Variants in ITGA9 observed in about 807,000 individuals in gnomAD.
ITGA9 encodes integrin subunit alpha 9, also known as integrin alpha-9.
ITGA9 carries 56 observed loss-of-function variants against 127.8 expected under a neutral mutation model. The observed-to-expected ratio is 0.44, with a 90% CI of 0.35 to 0.55. ITGA9 has a LOEUF of 0.55. ITGA9 is among the 20% of genes least tolerant of loss of function. The pLI, the probability that ITGA9 is intolerant of heterozygous loss-of-function variation, is 0.00. For missense variants in ITGA9, 1,196 were observed against 1,347.1 expected (o/e 0.89, Z 1.76); for synonymous variants, 508 against 514.5 (o/e 0.99, Z 0.17).
At chr3:37,731,472 A>G (rs1696291985) in intron 18 of ITGA9, among the ~76,000 whole-genome samples, 1 of 152,242 alleles carries the variant, frequency 6.6e-6, no homozygotes. Flanking sequence ...CTGGATGCTG[A>G]AAAGATATAT....
At chr3:37,753,324 C>G (rs986809836) in intron 23 of ITGA9, among the ~76,000 whole-genome samples, 3 of 152,176 alleles carry the variant, frequency 2.0e-5, no homozygotes, top group African/African-American at 7.2e-5. Flanking sequence ...TTGCAGGAAA[C>G]AGATACATAA....
At chr3:37,562,291 T>C (rs994239541) in intron 15 of ITGA9, among the ~76,000 whole-genome samples, 2 of 152,166 alleles carry the variant, frequency 1.3e-5, no homozygotes, top group East Asian at 1.9e-4. Flanking sequence ...CCTACAGATA[T>C]CTGTCTGTCT....
intron 18 of ITGA9, among the ~76,000 whole-genome samples, chr3:37,710,723 G>A (rs1701070383): frequency 6.6e-6 from 1 of 152,204 alleles, no homozygotes. Context: ...GACTGCCCCA[G>A]GCAGTTAAGA....
chr3:37,583,518 G>A (rs959303908), intron 15 of ITGA9, among the ~76,000 whole-genome samples: 1 of 152,196 alleles, frequency 6.6e-6, no homozygotes, highest in Admixed American at 6.5e-5. Context: ...AGACATGTCT[G>A]TCAGATCTCA....
At chr3:37,494,419 T>C (rs1211131916) in intron 4 of ITGA9, 82 bp from the exon 5 acceptor site, 6 of 1,000,584 alleles carry the variant, frequency 6.0e-6, no homozygotes, top group East Asian at 2.5e-5. Flanking sequence ...GGGAAGTGGC[T>C]GGCTGGCTCT....
At chr3:37,759,738 C>T (rs975012699) in intron 23 of ITGA9, among the ~76,000 whole-genome samples, 2 of 151,088 alleles carry the variant, frequency 1.3e-5, no homozygotes, top group South Asian at 2.1e-4. Flanking sequence ...CCTGTCTGTA[C>T]TAAAAATACA....
chr3:37,743,439 G>A (rs972982503), intron 21 of ITGA9, among the ~76,000 whole-genome samples: 5 of 152,172 alleles, frequency 3.3e-5, no homozygotes, highest in East Asian at 1.9e-4. Context: ...ATCAATGAAC[G>A]GATTCAGCTT....
In ITGA9 at chr3:37,513,585, C is replaced by G. The variant is rs111289680; in HGVS notation, c.898-178C>G. On this transcript the variant is annotated intron_variant, in intron 8 of 27. Transcript: ENST00000264741. ...ATATCTCCTAATGTTATCCCTCCCC[C>G]CTCCCCCAACCCCACAGCAGGCCCT... 3.1e-3 allele frequency among the ~76,000 whole-genome samples: 469 copies of G among 149,256 alleles called. 2 individuals are homozygous for G. Among genetic ancestry groups the G allele is most frequent in the Non-Finnish European group, 5.5e-3 (371 of 67,072 alleles).
intron 18 of ITGA9, among the ~76,000 whole-genome samples, chr3:37,722,150 T>G (rs76396492): frequency 1.4e-4 from 6 of 43,258 alleles, no homozygotes; most frequent in Non-Finnish European, 3.4e-4. Context: ...GGGACACTCT[T>G]CACTCTCCCT....
chr3:37,465,521 G>C (rs750209120), intron 1 of ITGA9, among the ~76,000 whole-genome samples: 3 of 152,198 alleles, frequency 2.0e-5, no homozygotes, highest in Admixed American at 6.5e-5. Flanking sequence ...CACATGAGAG[G>C]CTGCCTGACA....
At chr3:37,478,437 T>G (rs913090843) in intron 3 of ITGA9, among the ~76,000 whole-genome samples, 1 of 152,238 alleles carries the variant, frequency 6.6e-6, no homozygotes, top group Admixed American at 6.5e-5. Context: ...TTTCTTTCTC[T>G]TTTTCCTCTT....
intron 15 of ITGA9, among the ~76,000 whole-genome samples, chr3:37,572,030 G>A (rs968941429): frequency 2.6e-4 from 40 of 152,102 alleles, no homozygotes; most frequent in Non-Finnish European, 2.2e-4. Context: ...TTGGTAGCCC[G>A]TTGAGTTTTG....
At chr3:37,696,934 A>G (rs1700890976) in intron 18 of ITGA9, among the ~76,000 whole-genome samples, 1 of 152,168 alleles carries the variant, frequency 6.6e-6, no homozygotes, top group Non-Finnish European at 1.5e-5. Flanking sequence ...GGGTCAGGAT[A>G]TGCATTTTAA....
intron 25 of ITGA9, among the ~76,000 whole-genome samples, chr3:37,783,640 G>A (rs1697004790): frequency 2.0e-5 from 3 of 152,082 alleles, no homozygotes; most frequent in Admixed American, 2.0e-4. Context: ...CCTGGCCCAA[G>A]ATTATTATTA....
At chr3:37,573,061 T>A (rs144729571) in intron 15 of ITGA9, 44 of 152,350 alleles carry the variant, frequency 2.9e-4, no homozygotes, top group African/African-American at 9.4e-4. Context: ...ATTTTACAGT[T>A]TGTACAGTGG....
rs900159841 is a variant in ITGA9 at position 37,523,207 on chromosome 3, A to G, written c.1237-314A>G. Among the ~76,000 whole-genome samples the G allele has an allele frequency of 7.9e-5, 12 of 152,352 alleles. No individual in the cohort carries two copies. The East Asian group carries it at 2.1e-3, about 27-fold the overall frequency. ...AAACAGAACCTGCATTAGGAATGGA[A>G]GTTAAACTTTATCCATTTTGAATTT... is the stretch of plus-strand genomic sequence containing the variant. On this transcript the variant is annotated intron_variant, in intron 11 of 27. Transcript: ENST00000264741.
rs569448577 is a variant in ITGA9 at position 37,717,817 on chromosome 3, T to A, written c.2068-14895T>A. 5.9e-5 allele frequency among the ~76,000 whole-genome samples: 9 copies of A among 152,358 alleles called. No homozygotes were observed. The South Asian group carries it at 1.0e-3, about 18-fold the overall frequency. On this transcript the variant is annotated intron_variant, in intron 18 of 27. Coordinates refer to ENST00000264741, the MANE Select transcript of ITGA9 (RefSeq NM_002207.3). ...GTAAGCACTGGTATGGTACATAGTA[T>A]GACTATGGTAGTCCAGTATTGGATT...
At chr3:37,546,988 T>C (rs1484082894) in intron 15 of ITGA9, among the ~76,000 whole-genome samples, 1 of 152,194 alleles carries the variant, frequency 6.6e-6, no homozygotes. Context: ...AGCAGGCTCT[T>C]CAGGACCAGG....
rs764289797 is a variant in ITGA9 at position 37,629,238 on chromosome 3, C to A, written c.1741C>A (p.Leu581Ile). The A allele has an allele frequency of 1.2e-6, 2 of 1,613,816 alleles. No individual in the cohort carries two copies. Among genetic ancestry groups the A allele is most frequent in the Non-Finnish European group, 1.7e-6 (2 of 1,179,980 alleles). Residue 581 changes from leucine to isoleucine, a missense_variant, in exon 16 of 28, where the codon CTC becomes ATC. Coordinates refer to ENST00000264741, the MANE Select transcript of ITGA9 (RefSeq NM_002207.3). The surrounding 1 kb of genome is among the most constrained non-coding windows in gnomAD (Gnocchi z 4.5). ...SPIVFEAAYSLSEHVTGEEER... is the reference protein window; with the variant it reads ...SPIVFEAAYSISEHVTGEEER... ...GATCGTGTTTGAAGCAGCCTACAGC[C>A]TCAGTGAGCATGTGACTGGAGAGGA...
Sources: allele counts gnomAD v4.1 joint callset (sites outside exome capture counted in the v4.1 genomes callset), GRCh38; gene constraint gnomAD v4.1.1; non-coding constraint Gnocchi (gnomAD v3.1); transcripts MANE v1.5; gene names NCBI Gene and HGNC (gene_info 2026-07-23, HGNC 2026-07-21).